RYK: variants seen among roughly 807,000 people sequenced by gnomAD.
The protein encoded by RYK is receptor like tyrosine kinase.
A neutral mutation model predicts 70.2 loss-of-function variants in RYK; 21 were observed. The observed-to-expected ratio is 0.30, with a 90% confidence interval of 0.21 to 0.43. The LOEUF is 0.43. RYK is among the 20% of genes least tolerant of loss of function. The probability of loss-of-function intolerance (pLI) is 1.00; values close to 1 mark genes in which losing one functional copy is unlikely to be tolerated. For synonymous variants in RYK, 267 were observed against 278.0 expected (o/e 0.96, Z 0.39); for missense variants, 604 against 753.3 (o/e 0.80, Z 2.32).
Position 134,159,377 on chromosome 3 carries a change from G to T in RYK, c.1576-4C>A. On this transcript the variant is annotated splice_region_variant and splice_polypyrimidine_tract_variant and intron_variant, in intron 13 of 14. Coordinates refer to ENST00000623711, the MANE Select transcript of RYK (RefSeq NM_002958.4). The stretch of plus-strand genomic sequence containing the variant: ...ACAGCGTCACTCCAAAGGCCCACTA[G>T]TAAAGGAGCAGAAGCACAATGAGGG... The T allele has an allele frequency of 1.9e-6, 3 of 1,595,546 alleles. No individual in the cohort carries two copies. The highest frequency in any genetic ancestry group is 2.6e-6 in the Non-Finnish European group (3 of 1,170,086).
chr3:134,188,812 A>G, intron 9 of RYK, 25 bp downstream of exon 9: 1 of 1,402,930 alleles, frequency 7.1e-7, no homozygotes. Context: ...AGCATCATGG[A>G]AATACTATGG....
At chr3:134,188,794 G>T in intron 9 of RYK, 43 bp downstream of exon 9, 3 of 1,229,532 alleles carry the variant, frequency 2.4e-6, no homozygotes, top group Non-Finnish European at 3.5e-6. Flanking sequence ...AGCCACCTGA[G>T]ACAGAAGAGC....
At chr3:134,176,323 T>A (rs759791112) in intron 11 of RYK, among the ~76,000 whole-genome samples, 3 of 152,230 alleles carry the variant, frequency 2.0e-5, no homozygotes, top group Non-Finnish European at 4.4e-5. Flanking sequence ...GCTCAATACA[T>A]CTGTTCAGTG....
intron 2 of RYK, among the ~76,000 whole-genome samples, chr3:134,221,995 T>C (rs1389657067): frequency 3.3e-5 from 5 of 152,154 alleles, no homozygotes; most frequent in Non-Finnish European, 5.9e-5. Flanking sequence ...GTACCTTTCT[T>C]ACACCGTTTC....
At position 134,224,698 on chromosome 3, in the gene RYK, C is replaced by T. The variant is rs200778968; in HGVS notation, c.233-2159G>A. On this transcript the variant is annotated intron_variant, in intron 1 of 14. Transcript: ENST00000623711. Reference sequence around the variant, plus strand: ...ACCAAGGTCTGCTAAGTAACGGGTGCCTTCCCAGGCACTGGCGTTACCGCT... The same window carrying T: ...ACCAAGGTCTGCTAAGTAACGGGTGTCTTCCCAGGCACTGGCGTTACCGCT... 2.6e-5 allele frequency among the ~76,000 whole-genome samples: 4 copies of T among 151,972 alleles called. No individual in the cohort carries two copies. In the East Asian group the frequency reaches 7.7e-4, roughly 29 times the overall value.
intron 1 of RYK, among the ~76,000 whole-genome samples, chr3:134,239,265 T>C (rs1049286046): frequency 4.6e-5 from 7 of 151,972 alleles, no homozygotes; most frequent in African/African-American, 1.5e-4. Context: ...TTTCAGACCA[T>C]CCTGGGCAGC....
In RYK at chr3:134,222,868, C is replaced by CA. The variant is rs1318111357; in HGVS notation, c.233-330dup. On this transcript the variant is annotated intron_variant, in intron 1 of 14. Transcript: ENST00000623711. The stretch of plus-strand genomic sequence containing the variant: ...CTGGACACAGTGCTTCTTAGAGGAA[C>CA]AGCTACAAAGAAATGCCCCTTCCCC... Among the ~76,000 whole-genome samples, 2 of 152,160 alleles carry CA rather than the reference C, an allele frequency of 1.3e-5. 1 individual carries two copies. The highest frequency in any genetic ancestry group is 1.3e-4 in the Admixed American group (2 of 15,276).
intron 6 of RYK, chr3:134,202,451 C>A: frequency 3.1e-6 from 1 of 325,562 alleles, no homozygotes; most frequent in Non-Finnish European, 5.6e-6. Flanking sequence ...AGGCAATGGT[C>A]TGAGGTAGAG....
chr3:134,201,090 C>T (rs1464250133), intron 6 of RYK, among the ~76,000 whole-genome samples: 2 of 152,226 alleles, frequency 1.3e-5, no homozygotes, highest in African/African-American at 4.8e-5. Context: ...TCTTCAGTCA[C>T]CTCTCTACCT....
chr3:134,212,331 T>C (rs567408007), intron 2 of RYK, among the ~76,000 whole-genome samples: 47 of 152,198 alleles, frequency 3.1e-4, no homozygotes, highest in Non-Finnish European at 6.3e-4. Context: ...GGAGAGTTCA[T>C]GAAAGAAGCA....
At chr3:134,167,555 G>C (rs1233551014) in intron 13 of RYK, among the ~76,000 whole-genome samples, 1 of 152,176 alleles carries the variant, frequency 6.6e-6, no homozygotes, top group Non-Finnish European at 1.5e-5. Context: ...GTAGAAAGGT[G>C]AAACTGGATA....
chr3:134,241,349 C>CA (rs34002861), intron 1 of RYK, among the ~76,000 whole-genome samples: 14,526 of 129,284 alleles, frequency 0.11, 1,440 homozygotes, highest in East Asian at 0.32. Context: ...GACTCTATCT[C>CA]AAAAAAAAAA....
At chr3:134,187,661 C>A (rs543700065) in intron 9 of RYK, among the ~76,000 whole-genome samples, 10 of 152,058 alleles carry the variant, frequency 6.6e-5, no homozygotes, top group African/African-American at 2.4e-4. Flanking sequence ...CTCAAGCAAT[C>A]CTCCTGCCTC....
chr3:134,236,010 G>GA (rs2015191582), intron 1 of RYK, among the ~76,000 whole-genome samples: 1 of 150,920 alleles, frequency 6.6e-6, no homozygotes, highest in African/African-American at 2.4e-5. Context: ...CCTTATTTGG[G>GA]AAAAAAAAGA....
intron 3 of RYK, among the ~76,000 whole-genome samples, 196 bp from the exon 4 acceptor site, chr3:134,210,025 A>G (rs1315711787): frequency 2.0e-5 from 3 of 152,220 alleles, no homozygotes; most frequent in African/African-American, 7.2e-5. Context: ...TTAAGCATTT[A>G]ATTCATTATG....
intron 5 of RYK, among the ~76,000 whole-genome samples, chr3:134,203,502 A>G (rs1347289663): frequency 6.6e-6 from 1 of 152,214 alleles, no homozygotes; most frequent in Non-Finnish European, 1.5e-5. Context: ...AAAATTAATA[A>G]AAGGGTTGGT....
At chr3:134,209,324 T>A (rs1211407611) in intron 4 of RYK, among the ~76,000 whole-genome samples, 3 of 152,224 alleles carry the variant, frequency 2.0e-5, no homozygotes, top group African/African-American at 7.2e-5. Context: ...CAGGTCTATC[T>A]CACCCGAGAG....
chr3:134,219,886 T>C (rs1242756046), intron 2 of RYK, among the ~76,000 whole-genome samples: 4 of 152,126 alleles, frequency 2.6e-5, no homozygotes, highest in Non-Finnish European at 4.4e-5. Flanking sequence ...AAAGTAGTGG[T>C]TGAAAGGATG....
rs906204163 is a variant in RYK at position 134,250,520 on chromosome 3, G to C, written c.135C>G (p.Ala45=). 2.1e-5 allele frequency: 26 copies of C among 1,216,770 alleles called. No homozygotes were observed. In the African/African-American group the frequency reaches 3.0e-4, roughly 14 times the overall value. The allele number at this position is 1,216,770 out of a possible 1,614,324, so 75.4% of individuals were successfully genotyped here. Residue 45 remains alanine (A), a synonymous_variant, in exon 1 of 15, where the codon GCC becomes GCG. Coordinates refer to ENST00000623711, the MANE Select transcript of RYK (RefSeq NM_002958.4). ...CCGGGGGCCGCGGGGCGGGGGCGGC[G>C]GCAGCGCCAGGCGCGGGCAGCAGCG... is the stretch of plus-strand genomic sequence containing the variant. The part of the protein sequence containing the change: ...LLPLLPAPGA[A]AAPAPRPPEL...
Sources: gnomAD v4.1 joint callset for allele counts (sites outside exome capture counted in the v4.1 genomes callset) on GRCh38, gnomAD v4.1.1 for gene constraint, MANE v1.5 for transcripts, NCBI Gene and HGNC (gene_info 2026-07-23, HGNC 2026-07-21) for gene names.